SEMA3C: variants seen among roughly 807,000 people sequenced by gnomAD.
SEMA3C encodes semaphorin-3C.
A neutral mutation model predicts 89.4 loss-of-function variants in SEMA3C; 47 were observed. The observed-to-expected ratio is 0.53, with a 90% CI of 0.42 to 0.67. The LOEUF is 0.67. Ranked by LOEUF, SEMA3C falls within the 30% of genes least tolerant of loss-of-function variation. SEMA3C has a pLI of 0.00. For missense variants in SEMA3C, 839 were observed against 929.1 expected (o/e 0.90, Z 1.26); for synonymous variants, 310 against 320.2 (o/e 0.97, Z 0.34).
rs763742493 is a variant in SEMA3C at position 80,882,412 on chromosome 7, C to CTTTT, written c.103+34263_103+34266dup. Among the ~76,000 whole-genome samples the CTTTT allele has an allele frequency of 4.7e-4, 22 of 46,656 alleles. 1 individual carries two copies. Among genetic ancestry groups the CTTTT allele is most frequent in the East Asian group, 4.7e-3 (6 of 1,288 alleles). 30.6% of individuals were successfully genotyped at this position (46,656 alleles called of 152,430 possible). A position where few individuals can be genotyped will look rare whatever the true frequency, so the allele number is the denominator to read the frequency against. ...TACATTCTGGAATTTGTAAGGGATGCTTTTTTTTTTTTTTTTTTTTTTTTT... is the reference window on the plus strand; with the variant it reads ...TACATTCTGGAATTTGTAAGGGATGCTTTTTTTTTTTTTTTTTTTTTTTTTTTTT... On this transcript the variant is annotated intron_variant, in intron 2 of 17. Transcript: ENST00000265361.
chr7:80,751,186 TATGACA>T, intron 16 of SEMA3C, 77 bp downstream of exon 16: 1 of 1,125,586 alleles, frequency 8.9e-7, no homozygotes, highest in Non-Finnish European at 1.3e-6. Flanking sequence ...CGCCTGAATC[TATGACA>T]ATGTTTCCCC....
intron 15 of SEMA3C, among the ~76,000 whole-genome samples, chr7:80,753,557 G>A (rs959362419): frequency 6.6e-6 from 1 of 152,148 alleles, no homozygotes; most frequent in Non-Finnish European, 1.5e-5. Context: ...CATGAGATCA[G>A]CAAGGCAGCC....
At chr7:80,757,631 A>G (rs1399098317) in intron 15 of SEMA3C, among the ~76,000 whole-genome samples, 1 of 152,224 alleles carries the variant, frequency 6.6e-6, no homozygotes, top group Non-Finnish European at 1.5e-5. Context: ...AGCAATGTAG[A>G]GAAATCCTAG....
chr7:80,789,199 A>T (rs924747073), intron 12 of SEMA3C, 107 bp downstream of exon 12: 3 of 846,588 alleles, frequency 3.5e-6, no homozygotes, highest in Non-Finnish European at 3.7e-6. Context: ...AGACAGACGT[A>T]ATTATTGGAG....
chr7:80,805,915 A>C (rs1433285461), intron 6 of SEMA3C, among the ~76,000 whole-genome samples, 157 bp from the exon 7 acceptor site: 2 of 152,088 alleles, frequency 1.3e-5, no homozygotes, highest in East Asian at 1.9e-4. Context: ...CAAATCAATA[A>C]ATTTTATAAA....
chr7:80,750,523 A>G (rs1787911220), intron 16 of SEMA3C, among the ~76,000 whole-genome samples: 1 of 137,376 alleles, frequency 7.3e-6, no homozygotes, highest in Admixed American at 7.5e-5. Context: ...CACATTATAT[A>G]TATGCACACA....
At chr7:80,853,513 GCACAGAAA>G (rs1363245600) in intron 2 of SEMA3C, among the ~76,000 whole-genome samples, 22 of 152,116 alleles carry the variant, frequency 1.4e-4, no homozygotes, top group Admixed American at 1.4e-3. Flanking sequence ...AATTAACCAG[GCACAGAAA>G]CACAAACTTA....
At chr7:80,819,279 G>A (rs73139713) in intron 4 of SEMA3C, among the ~76,000 whole-genome samples, 3,400 of 151,924 alleles carry the variant, frequency 0.022, 57 homozygotes, top group South Asian at 0.044. Flanking sequence ...ATAATCCACC[G>A]CAGATAGTAA....
chr7:80,763,756 C>T (rs778248450), intron 13 of SEMA3C, among the ~76,000 whole-genome samples: 2 of 151,900 alleles, frequency 1.3e-5, no homozygotes, highest in Non-Finnish European at 2.9e-5. Context: ...TAAGGCACTT[C>T]GTATTATTTT....
At chr7:80,893,668 G>C (rs60939301) in intron 2 of SEMA3C, among the ~76,000 whole-genome samples, 8,301 of 152,074 alleles carry the variant, frequency 0.055, 622 homozygotes, top group African/African-American at 0.16. Context: ...AAATATATTG[G>C]AAGGCTTGGG....
At chr7:80,801,765 T>C in intron 9 of SEMA3C, among the ~76,000 whole-genome samples, 1 of 151,942 alleles carries the variant, frequency 6.6e-6, no homozygotes, top group East Asian at 1.9e-4. Context: ...TAAAATATAT[T>C]CCCAAACATT....
At chr7:80,767,700 T>C (rs1334199600) in intron 12 of SEMA3C, among the ~76,000 whole-genome samples, 1 of 152,230 alleles carries the variant, frequency 6.6e-6, no homozygotes, top group Non-Finnish European at 1.5e-5. Context: ...AATGCACATT[T>C]TTAAATTCTA....
rs5885196 is a variant in SEMA3C, at chr7:80,746,718, GGTGT to G, written c.1843-1415_1843-1412del. 1.3e-3 allele frequency among the ~76,000 whole-genome samples: 187 copies of G among 143,020 alleles called. 1 individual carries two copies. The highest frequency in any genetic ancestry group is 4.3e-3 in the African/African-American group (168 of 38,896). 93.8% of individuals were successfully genotyped at this position (143,020 alleles called of 152,430 possible). A position where few individuals can be genotyped will look rare whatever the true frequency, so the allele number is the denominator to read the frequency against. On this transcript the variant is annotated intron_variant, in intron 17 of 17. Transcript: ENST00000265361. The stretch of plus-strand genomic sequence containing the variant: ...ATCACATGTACTGATATTGAAGTGG[GGTGT>G]GTGTGTGTGTGTGTGTGTGTGTGTG...
intron 14 of SEMA3C, among the ~76,000 whole-genome samples, chr7:80,759,206 C>T (rs1216502457): frequency 2.6e-5 from 4 of 152,038 alleles, no homozygotes; most frequent in Non-Finnish European, 5.9e-5. Context: ...TAATATGGTT[C>T]TCAGGAGCTG....
chr7:80,835,456 T>C (rs1280576917), intron 2 of SEMA3C, among the ~76,000 whole-genome samples: 1 of 152,196 alleles, frequency 6.6e-6, no homozygotes, highest in Non-Finnish European at 1.5e-5. Context: ...ATATTGCTAC[T>C]GACAGGATAA....
At chr7:80,846,675 A>G (rs1165605736) in intron 2 of SEMA3C, among the ~76,000 whole-genome samples, 1 of 152,174 alleles carries the variant, frequency 6.6e-6, no homozygotes, top group East Asian at 1.9e-4. Flanking sequence ...CTATCTATAT[A>G]AAGACTGTCC....
intron 2 of SEMA3C, among the ~76,000 whole-genome samples, chr7:80,906,662 G>A (rs1388954673): frequency 6.6e-6 from 1 of 152,184 alleles, no homozygotes; most frequent in African/African-American, 2.4e-5. Context: ...CGTATTAAAA[G>A]TGTTGAATAC....
chr7:80,852,920 C>T (rs546437529), intron 2 of SEMA3C, among the ~76,000 whole-genome samples: 17 of 152,120 alleles, frequency 1.1e-4, no homozygotes, highest in Admixed American at 2.6e-4. Flanking sequence ...CCTCGTGATC[C>T]GCCCGCCTCG....
intron 2 of SEMA3C, among the ~76,000 whole-genome samples, chr7:80,868,083 T>G (rs943162006): frequency 1.3e-5 from 2 of 152,166 alleles, no homozygotes; most frequent in African/African-American, 4.8e-5. Context: ...TTTAACAATG[T>G]AGATCAAGCT....
Sources: gnomAD v4.1 joint callset for allele counts (sites outside exome capture counted in the v4.1 genomes callset) on GRCh38, gnomAD v4.1.1 for gene constraint, MANE v1.5 for transcripts, NCBI Gene and HGNC (gene_info 2026-07-23, HGNC 2026-07-21) for gene names.